Variants in CLDN20 observed in about 807,000 individuals in gnomAD.
The protein encoded by CLDN20 is claudin-20.
For missense variants in CLDN20, 258 were observed against 267.9 expected, an observed-to-expected ratio of 0.96 and a Z score of 0.26; for synonymous variants, 104 against 103.6, an observed-to-expected ratio of 1.00 and a Z score of -0.03.
intron 1 of CLDN20, among the ~76,000 whole-genome samples, chr6:155,270,024 A>G (rs1784850441): frequency 1.3e-5 from 2 of 152,228 alleles, no homozygotes; most frequent in Non-Finnish European, 2.9e-5. Flanking sequence ...TGGAAGCAGA[A>G]GAGGAGCTCA....
intron 1 of CLDN20, among the ~76,000 whole-genome samples, chr6:155,267,549 TGGTGAGTGACG>T (rs2114687230): frequency 6.6e-6 from 1 of 152,310 alleles, no homozygotes; most frequent in East Asian, 1.9e-4. Flanking sequence ...AAGCTCTGAT[TGGTGAGTGACG>T]ACAGCAGGTA....
At chr6:155,273,277 G>A (rs961915418) in intron 1 of CLDN20, among the ~76,000 whole-genome samples, 9 of 152,152 alleles carry the variant, frequency 5.9e-5, no homozygotes, top group Admixed American at 1.3e-4. Flanking sequence ...CTACAGATAA[G>A]TCTGACTCTT....
intron 1 of CLDN20, among the ~76,000 whole-genome samples, chr6:155,271,754 A>G (rs896420734): frequency 6.6e-6 from 1 of 152,236 alleles, no homozygotes; most frequent in African/African-American, 2.4e-5. Flanking sequence ...TTCAACATAG[A>G]GAAAATTTCA....
chr6:155,267,106 C>T (rs905437060), intron 1 of CLDN20, among the ~76,000 whole-genome samples: 3 of 151,596 alleles, frequency 2.0e-5, no homozygotes, highest in East Asian at 2.0e-4. Context: ...TCCTGAGTAG[C>T]TGGAAATACA....
At position 155,269,050 on chromosome 6, in the gene CLDN20, CCA is replaced by C. The variant is rs370392103; in HGVS notation, c.-105+4765_-105+4766del. 4.1e-4 allele frequency among the ~76,000 whole-genome samples: 61 copies of C among 149,856 alleles called. 1 individual carries two copies. The South Asian group carries it at 0.011, about 27-fold the overall frequency. On this transcript the variant is annotated intron_variant, in intron 1 of 1. Transcript: ENST00000367165. ...GAAAGATGGACTGCAATCACTCAAC[CCA>C]CAGTGGACTTTGCAGGACTGAGAAG...
Position 155,276,445 on chromosome 6 carries a change from A to T in CLDN20, c.*66A>T, listed in dbSNP as rs572880913. On this transcript the variant is annotated 3_prime_UTR_variant, in exon 2 of 2. Transcript: ENST00000367165. ...AAATGGGACTTTTAGATTAAAAAAA[A>T]ATCAGAATTATGCTTAACTTTCCCT... 9 of 1,383,986 alleles carry T rather than the reference A, an allele frequency of 6.5e-6. No homozygotes were observed. In the African/African-American group the frequency reaches 8.8e-5, roughly 14 times the overall value. 85.7% of individuals were successfully genotyped at this position (1,383,986 alleles called of 1,614,324 possible). A position where few individuals can be genotyped will look rare whatever the true frequency, so the allele number is the denominator to read the frequency against.
chr6:155,272,572 T>C (rs764770323), intron 1 of CLDN20, among the ~76,000 whole-genome samples: 1 of 151,792 alleles, frequency 6.6e-6, no homozygotes, highest in Admixed American at 6.6e-5. Context: ...CTCTACGAGA[T>C]AGAAATTTTG....
Position 155,266,970 on chromosome 6 carries a change from C to CTT in CLDN20, c.-105+2698_-105+2699dup, listed in dbSNP as rs375412255. Among the ~76,000 whole-genome samples the CTT allele has an allele frequency of 1.4e-3, 178 of 127,332 alleles. 7 individuals carry two copies. The highest frequency in any genetic ancestry group is 4.7e-3 in the African/African-American group (160 of 33,764). 83.5% of individuals were successfully genotyped at this position (127,332 alleles called of 152,430 possible). ...AGAGAACTCTAGAATACTTTGCTGC[C>CTT]TTTTTTTTTTTTTTTTTGAGACAGA... On this transcript the variant is annotated intron_variant, in intron 1 of 1. Coordinates refer to ENST00000367165, the MANE Select transcript of CLDN20 (RefSeq NM_001001346.3).
At chr6:155,268,354 C>T (rs992191836) in intron 1 of CLDN20, among the ~76,000 whole-genome samples, 1 of 152,170 alleles carries the variant, frequency 6.6e-6, no homozygotes, top group Non-Finnish European at 1.5e-5. Flanking sequence ...AAAGTGTTTC[C>T]CCTTAACCCT....
chr6:155,268,679 T>C (rs953122658), intron 1 of CLDN20, among the ~76,000 whole-genome samples: 7 of 152,126 alleles, frequency 4.6e-5, no homozygotes, highest in African/African-American at 1.7e-4. Context: ...AAACATGTGC[T>C]GTGTCCACTC....
chr6:155,268,491 T>C (rs930069532), intron 1 of CLDN20, among the ~76,000 whole-genome samples: 1 of 152,234 alleles, frequency 6.6e-6, no homozygotes, highest in Admixed American at 6.5e-5. Flanking sequence ...GTGGTATTGT[T>C]ATTTCCAAAA....
chr6:155,274,541 C>T (rs1017521399), intron 1 of CLDN20, among the ~76,000 whole-genome samples: 3 of 152,176 alleles, frequency 2.0e-5, no homozygotes, highest in Non-Finnish European at 2.9e-5. Flanking sequence ...TCAGAATAGC[C>T]GGCTTCATTT....
At chr6:155,265,464 A>C (rs4869850) in intron 1 of CLDN20, among the ~76,000 whole-genome samples, 96,453 of 151,672 alleles carry the variant, frequency 0.64, 31,426 homozygotes, top group East Asian at 0.98. Context: ...GTACATTCGT[A>C]TATTCATAGC....
chr6:155,266,953 C>G (rs1474765359), intron 1 of CLDN20, among the ~76,000 whole-genome samples: 1 of 146,404 alleles, frequency 6.8e-6, no homozygotes, highest in African/African-American at 2.5e-5. Flanking sequence ...GAAGAGAACT[C>G]TAGAATACTT....
rs755131027 is a variant in CLDN20 at position 155,276,225 on chromosome 6, T to C, written c.506T>C (p.Ile169Thr). The C allele has an allele frequency of 1.2e-6, 2 of 1,614,190 alleles. No homozygotes were observed. Among genetic ancestry groups the C allele is most frequent in the Non-Finnish European group, 1.7e-6 (2 of 1,180,030 alleles). The part of the protein sequence containing the change: ...EPGGAIYIGF[I>T]SAMLLFISGM... ...GGAGGAGCTATCTATATCGGATTCA[T>C]TTCTGCAATGCTGTTGTTTATCTCT... The change falls in exon 2 of 2, where the codon ATT becomes ACT. Residue 169 changes from isoleucine to threonine, a missense_variant. By Grantham distance (89) the Ile-to-Thr change is moderately conservative. Coordinates refer to ENST00000367165, the MANE Select transcript of CLDN20 (RefSeq NM_001001346.3).
chr6:155,266,891 G>A (rs1784667281), intron 1 of CLDN20, among the ~76,000 whole-genome samples: 1 of 148,674 alleles, frequency 6.7e-6, no homozygotes, highest in South Asian at 2.1e-4. Flanking sequence ...AAATGAGCCA[G>A]TTCTGGAAAG....
intron 1 of CLDN20, among the ~76,000 whole-genome samples, chr6:155,269,564 C>T (rs180970969): frequency 1.3e-5 from 2 of 152,160 alleles, no homozygotes; most frequent in East Asian, 1.9e-4. Flanking sequence ...TCAGGCGATC[C>T]GCCTGCCTCA....
intron 1 of CLDN20, among the ~76,000 whole-genome samples, chr6:155,267,275 G>T (rs1190460102): frequency 6.6e-6 from 1 of 152,212 alleles, no homozygotes; most frequent in Non-Finnish European, 1.5e-5. Flanking sequence ...ACACCTGGCC[G>T]TAGAATATGG....
In CLDN20 at chr6:155,276,186, A is replaced by G. The variant is rs1436649813; in HGVS notation, c.467A>G (p.Asn156Ser). 5.0e-6 allele frequency: 8 copies of G among 1,614,046 alleles called. No homozygotes were observed. The African/African-American group carries it at 1.1e-4, about 22-fold the overall frequency. Reference sequence around the variant, plus strand: ...CTGGATCTGACAGTTCCAGAAAGCAACAAACATGAACCTGGAGGAGCTATC... The same window carrying G: ...CTGGATCTGACAGTTCCAGAAAGCAGCAAACATGAACCTGGAGGAGCTATC... ...NFLDLTVPES[N>S]KHEPGGAIYI... The change falls in exon 2 of 2, where the codon AAC becomes AGC. Residue 156 changes from asparagine to serine, a missense_variant. Coordinates refer to ENST00000367165, the MANE Select transcript of CLDN20 (RefSeq NM_001001346.3).
Sources: gnomAD v4.1 joint callset for allele counts (sites outside exome capture counted in the v4.1 genomes callset) on GRCh38, gnomAD v4.1.1 for gene constraint, MANE v1.5 for transcripts, NCBI Gene and HGNC (gene_info 2026-07-23, HGNC 2026-07-21) for gene names.